MAP4K4: variants seen among roughly 807,000 people sequenced by gnomAD.
MAP4K4 encodes mitogen-activated protein kinase kinase kinase kinase 4.
In MAP4K4, 38 loss-of-function variants were observed where a neutral mutation model predicts 189.6. The ratio of observed to expected loss-of-function variants is 0.20; its 90% CI spans 0.15 to 0.26. The LOEUF (loss-of-function observed/expected upper bound fraction) is 0.26. Among genes scored for constraint, MAP4K4 ranks in the 10% least tolerant of loss-of-function variants. MAP4K4 has a pLI of 1.00. For synonymous variants in MAP4K4, 610 were observed against 624.3 expected, an observed-to-expected ratio of 0.98 and a Z score of 0.34; for missense variants, 1,054 against 1,726.9, an observed-to-expected ratio of 0.61 and a Z score of 6.91.
chr2:101,793,156 A>G (rs1192660852), intron 3 of MAP4K4, among the ~76,000 whole-genome samples: 1 of 152,238 alleles, frequency 6.6e-6, no homozygotes, highest in East Asian at 1.9e-4. Flanking sequence ...AAAAGCAATT[A>G]TTGCAAAACC....
At chr2:101,876,906 C>A (rs2098220435) in intron 26 of MAP4K4, 97 bp from the exon 27 acceptor site, 1 of 1,262,394 alleles carries the variant, frequency 7.9e-7, no homozygotes, top group African/African-American at 1.5e-5. Context: ...AAGGAAGCTA[C>A]ACTTTTTTCC....
intron 3 of MAP4K4, among the ~76,000 whole-genome samples, chr2:101,808,553 C>T (rs915341556): frequency 1.3e-5 from 2 of 148,642 alleles, no homozygotes; most frequent in African/African-American, 5.1e-5. Flanking sequence ...CACCCCCCCC[C>T]ACCCCGTTTA....
intron 12 of MAP4K4, among the ~76,000 whole-genome samples, chr2:101,846,614 C>T (rs1428869246): frequency 6.6e-6 from 1 of 152,158 alleles, no homozygotes; most frequent in Non-Finnish European, 1.5e-5. Flanking sequence ...ATTTTAAAGT[C>T]ATTTTGTTTT....
intron 12 of MAP4K4, among the ~76,000 whole-genome samples, chr2:101,846,624 T>C (rs890370403): frequency 2.6e-5 from 4 of 152,224 alleles, no homozygotes; most frequent in African/African-American, 9.7e-5. Context: ...CATTTTGTTT[T>C]ATAAGCTAAG....
intron 12 of MAP4K4, 111 bp downstream of exon 12, chr2:101,844,422 C>T (rs1328029201): frequency 2.4e-6 from 2 of 825,042 alleles, no homozygotes; most frequent in South Asian, 1.8e-5. Flanking sequence ...TAATACTTAT[C>T]CCCTGGCACA....
chr2:101,836,765 T>A (rs1373087111), intron 9 of MAP4K4, among the ~76,000 whole-genome samples: 3 of 152,220 alleles, frequency 2.0e-5, no homozygotes, highest in African/African-American at 7.2e-5. Context: ...ATTCTTAGGC[T>A]GTCACTTTTC....
In MAP4K4 at chr2:101,853,972, A is replaced by G. The variant is rs1248670817; in HGVS notation, c.1234-2005A>G. ...TGTGTAACATGTTAGGGTAAATAACAATTTTGCAAAGTTCCCAGAGATTTT... is the reference window on the plus strand; with the variant it reads ...TGTGTAACATGTTAGGGTAAATAACGATTTTGCAAAGTTCCCAGAGATTTT... On this transcript the variant is annotated intron_variant, in intron 12 of 32. Coordinates refer to ENST00000324219, the Ensembl canonical transcript of MAP4K4. 1.3e-5 allele frequency among the ~76,000 whole-genome samples: 2 copies of G among 152,178 alleles called. 1 individual carries two copies. The highest frequency in any genetic ancestry group is 2.9e-5 in the Non-Finnish European group (2 of 68,028).
At chr2:101,874,554 T>G (rs1342142238) in intron 26 of MAP4K4, among the ~76,000 whole-genome samples, 1 of 152,206 alleles carries the variant, frequency 6.6e-6, no homozygotes, top group African/African-American at 2.4e-5. Context: ...GGGTTTTTAG[T>G]GTAACCATCA....
At chr2:101,769,471 C>T (rs1206955548) in intron 2 of MAP4K4, among the ~76,000 whole-genome samples, 3 of 152,114 alleles carry the variant, frequency 2.0e-5, no homozygotes, top group Admixed American at 2.0e-4. Flanking sequence ...GAAAATTACT[C>T]AAGATTTTTG....
intron 2 of MAP4K4, among the ~76,000 whole-genome samples, chr2:101,760,984 C>T (rs896605908): frequency 2.9e-4 from 44 of 152,180 alleles, no homozygotes; most frequent in African/African-American, 1.0e-3. Context: ...GTGTGGGCAA[C>T]AAGAGCAAAA....
intron 2 of MAP4K4, among the ~76,000 whole-genome samples, chr2:101,716,617 T>C (rs2048558178): frequency 6.6e-6 from 1 of 152,182 alleles, no homozygotes; most frequent in African/African-American, 2.4e-5. Context: ...TAGCAAACCA[T>C]GCCTGAAACT....
chr2:101,826,922 C>T (rs574378845), intron 5 of MAP4K4, among the ~76,000 whole-genome samples: 1 of 152,208 alleles, frequency 6.6e-6, no homozygotes, highest in South Asian at 2.1e-4. Context: ...TACACATCCC[C>T]ACCCACGCAC....
At chr2:101,845,288 C>T (rs1012782489) in intron 12 of MAP4K4, among the ~76,000 whole-genome samples, 3 of 152,110 alleles carry the variant, frequency 2.0e-5, no homozygotes, top group Admixed American at 6.5e-5. Flanking sequence ...GTACATTTTA[C>T]ACCACCTGCT....
At chr2:101,843,953 C>CA in intron 11 of MAP4K4, 148 bp from the exon 12 acceptor site, 1 of 602,952 alleles carries the variant, frequency 1.7e-6, no homozygotes. Flanking sequence ...TAGATATAGT[C>CA]ATTTCTGTGG....
chr2:101,808,930 G>A (rs761658055), intron 3 of MAP4K4, among the ~76,000 whole-genome samples: 3 of 152,078 alleles, frequency 2.0e-5, no homozygotes, highest in African/African-American at 2.4e-5. Flanking sequence ...CCCCCCCGAC[G>A]TTCTGGTGTA....
At chr2:101,872,406 T>G (rs1269063154) in intron 24 of MAP4K4, among the ~76,000 whole-genome samples, 1 of 152,204 alleles carries the variant, frequency 6.6e-6, no homozygotes, top group East Asian at 1.9e-4. Context: ...GTTGTGGTGC[T>G]CGGTCTGGGT....
intron 2 of MAP4K4, among the ~76,000 whole-genome samples, chr2:101,705,575 T>A (rs955089767): frequency 1.3e-5 from 2 of 152,260 alleles, no homozygotes; most frequent in Non-Finnish European, 2.9e-5. Context: ...CTACTTTTTT[T>A]ACTCGTAGAA....
At chr2:101,723,492 T>A (rs1448934414) in intron 2 of MAP4K4, among the ~76,000 whole-genome samples, 1 of 152,190 alleles carries the variant, frequency 6.6e-6, no homozygotes, top group African/African-American at 2.4e-5. Flanking sequence ...TCTGGAGAAC[T>A]GTGAGAGTCA....
intron 2 of MAP4K4, among the ~76,000 whole-genome samples, chr2:101,783,658 C>T (rs2089016728): frequency 6.6e-6 from 1 of 152,168 alleles, no homozygotes; most frequent in Non-Finnish European, 1.5e-5. Context: ...CCCAGTAAAT[C>T]TCTTAAATCC....
Sources: allele counts gnomAD v4.1 joint callset (sites outside exome capture counted in the v4.1 genomes callset), GRCh38; gene constraint gnomAD v4.1.1; transcripts MANE v1.5; gene names NCBI Gene and HGNC (gene_info 2026-07-23, HGNC 2026-07-21).